The following DNAH8 variants were observed in gnomAD, a reference collection of about 807,000 sequenced individuals.
The protein encoded by DNAH8 is axonemal beta dynein heavy chain 8.
DNAH8 carries 382 observed loss-of-function variants against 562.1 expected under a neutral mutation model. That is an observed-to-expected ratio of 0.68 (90% CI 0.63 to 0.74). DNAH8 has a LOEUF of 0.74. Ranked by LOEUF, DNAH8 falls within the 30% of genes least tolerant of loss-of-function variation. The pLI is 0.00. For synonymous variants in DNAH8, 1,881 were observed against 1,919.4 expected (o/e 0.98, Z 0.52); for missense variants, 5,203 against 5,620.4 (o/e 0.93, Z 2.37).
rs182730963 is a variant in DNAH8 at position 38,898,602 on chromosome 6, A to G, written c.9063+222A>G. Among the ~76,000 whole-genome samples the G allele has an allele frequency of 1.3e-3, 197 of 152,294 alleles. 2 individuals carry two copies. Among genetic ancestry groups the G allele is most frequent in the Non-Finnish European group, 1.2e-3 (79 of 68,014 alleles). ...GCAAATGTCTTTCAAGGGCAAATAG[A>G]TGGTTTTCTGTTCAGAGCTTTTGGC... On this transcript the variant is annotated intron_variant, in intron 61 of 92. Transcript: ENST00000327475.
At chr6:38,789,121 A>G (rs1769455287) in intron 18 of DNAH8, among the ~76,000 whole-genome samples, 1 of 152,258 alleles carries the variant, frequency 6.6e-6, no homozygotes, top group Non-Finnish European at 1.5e-5. Flanking sequence ...AACAATATCA[A>G]GAAAGTCAAA....
intron 9 of DNAH8, among the ~76,000 whole-genome samples, chr6:38,751,955 A>G (rs2127596352): frequency 6.6e-6 from 1 of 152,312 alleles, no homozygotes; most frequent in Admixed American, 6.5e-5. Flanking sequence ...ATTGTGCTAC[A>G]TGCTTTAAAT....
chr6:38,961,187 G>A (rs1357842037), intron 82 of DNAH8, among the ~76,000 whole-genome samples: 2 of 151,958 alleles, frequency 1.3e-5, no homozygotes, highest in African/African-American at 4.8e-5. Flanking sequence ...GGAGGGTAGA[G>A]GGGAGGAAGA....
chr6:38,974,390 C>A lies in DNAH8; in HGVS notation c.12695C>A (p.Thr4232Asn). 1 of 1,612,300 alleles carries A rather than the reference C, an allele frequency of 6.2e-7. No individual in the cohort carries two copies. Among genetic ancestry groups the A allele is most frequent in the Non-Finnish European group, 8.5e-7 (1 of 1,179,400 alleles). Residue 4232 changes from threonine to asparagine, a missense_variant, in exon 85 of 93, where the codon ACT (threonine) becomes AAT (asparagine). Coordinates refer to ENST00000327475, the MANE Select transcript of DNAH8 (RefSeq NM_001206927.2). ...TCATGACAGACCTCTCTCAAATTCA[C>A]TAATGAGCCACCCCAAGGTGTACGC... ...ITLLQTSLKFTNEPPQGVRAG... is the reference protein window; with the variant it reads ...ITLLQTSLKFNNEPPQGVRAG...
intron 70 of DNAH8, 97 bp from the exon 71 acceptor site, chr6:38,921,272 C>T (rs562062690): frequency 3.8e-5 from 53 of 1,404,626 alleles, no homozygotes; most frequent in Non-Finnish European, 4.5e-5. Flanking sequence ...TCGAAAGTCC[C>T]GTCTAGTGCA....
At chr6:38,998,664 T>C (rs1765296230) in intron 88 of DNAH8, among the ~76,000 whole-genome samples, 1 of 152,226 alleles carries the variant, frequency 6.6e-6, no homozygotes, top group South Asian at 2.1e-4. Context: ...CATTAGGTAG[T>C]TGTTTATTTC....
chr6:38,995,533 G>A (rs1346800488), intron 88 of DNAH8, among the ~76,000 whole-genome samples: 3 of 152,166 alleles, frequency 2.0e-5, no homozygotes, highest in African/African-American at 7.2e-5. Flanking sequence ...CTAGTTCTTT[G>A]ATATCTTTCG....
intron 10 of DNAH8, 146 bp downstream of exon 10, chr6:38,756,225 C>G: frequency 3.1e-6 from 2 of 652,878 alleles, no homozygotes; most frequent in East Asian, 5.6e-5. Context: ...AAGGCGTTGA[C>G]TGGACTCAGT....
chr6:38,882,781 T>C (rs1350126929), intron 53 of DNAH8, 129 bp from the exon 54 acceptor site: 2 of 621,776 alleles, frequency 3.2e-6, no homozygotes, highest in Non-Finnish European at 5.3e-6. Context: ...TATATTAACA[T>C]GTTTTAGGAA....
chr6:38,899,927 A>G, intron 62 of DNAH8, 21 bp downstream of exon 62: 2 of 1,524,746 alleles, frequency 1.3e-6, no homozygotes, highest in Non-Finnish European at 1.8e-6. Flanking sequence ...ATAAAACACA[A>G]TATGTTTTTC....
intron 11 of DNAH8, among the ~76,000 whole-genome samples, chr6:38,765,385 A>G (rs777029196): frequency 2.2e-4 from 33 of 152,244 alleles, no homozygotes; most frequent in South Asian, 4.1e-4. Context: ...ATTGCCAAGT[A>G]GCTTTTCCCC....
intron 82 of DNAH8, 40 bp downstream of exon 82, chr6:38,951,560 A>AT (rs749508268): frequency 1.3e-5 from 20 of 1,559,006 alleles, no homozygotes; most frequent in Admixed American, 1.9e-5. Flanking sequence ...ACACTTCCAT[A>AT]TTTTTTTGCC....
intron 59 of DNAH8, among the ~76,000 whole-genome samples, 176 bp downstream of exon 59, chr6:38,895,040 A>C (rs1233976950): frequency 6.6e-6 from 1 of 152,048 alleles, no homozygotes; most frequent in Non-Finnish European, 1.5e-5. Context: ...GTGATTCTCC[A>C]ACTTCAGCCT....
At chr6:38,795,121 G>A (rs1003997506) in intron 21 of DNAH8, among the ~76,000 whole-genome samples, 8 of 152,082 alleles carry the variant, frequency 5.3e-5, no homozygotes, top group Admixed American at 4.6e-4. Context: ...TACTAACATA[G>A]CATTTACCAT....
chr6:38,985,998 A>G (rs1191869082), intron 87 of DNAH8, among the ~76,000 whole-genome samples: 2 of 152,228 alleles, frequency 1.3e-5, no homozygotes, highest in Non-Finnish European at 2.9e-5. Context: ...AAGAGAATAG[A>G]TAAGATGTGG....
At chr6:38,749,899 T>C (rs761702408) in intron 8 of DNAH8, among the ~76,000 whole-genome samples, 1 of 152,208 alleles carries the variant, frequency 6.6e-6, no homozygotes, top group African/African-American at 2.4e-5. Context: ...TGGCGCGATC[T>C]CTGGCTCACT....
At chr6:38,929,173 C>A (rs1025099493) in intron 74 of DNAH8, among the ~76,000 whole-genome samples, 1 of 152,114 alleles carries the variant, frequency 6.6e-6, no homozygotes, top group African/African-American at 2.4e-5. Flanking sequence ...TTTGCTTTCT[C>A]TGAGCGATTA....
intron 13 of DNAH8, among the ~76,000 whole-genome samples, chr6:38,778,092 A>G (rs1405906674): frequency 6.6e-6 from 1 of 152,234 alleles, no homozygotes; most frequent in Non-Finnish European, 1.5e-5. Context: ...AATGTCATTA[A>G]TATGAAATCT....
At chr6:38,877,302 A>G (rs1778098604) in intron 53 of DNAH8, among the ~76,000 whole-genome samples, 3 of 152,232 alleles carry the variant, frequency 2.0e-5, no homozygotes, top group African/African-American at 7.2e-5. Flanking sequence ...TGTGCCATCA[A>G]AAATATGTAT....
Sources: gnomAD v4.1 joint callset for allele counts (sites outside exome capture counted in the v4.1 genomes callset) on GRCh38, gnomAD v4.1.1 for gene constraint, MANE v1.5 for transcripts, NCBI Gene and HGNC (gene_info 2026-07-23, HGNC 2026-07-21) for gene names.